The following PTP4A1 variants were observed in gnomAD, a reference collection of about 807,000 sequenced individuals.
PTP4A1 encodes protein tyrosine phosphatase 4A1, also known as protein tyrosine phosphatase type IVA 1.
In PTP4A1, 9 loss-of-function variants were observed where a neutral mutation model predicts 20.5. The observed-to-expected ratio is 0.44, with a 90% CI of 0.26 to 0.77. The LOEUF (loss-of-function observed/expected upper bound fraction) is 0.77, where lower values mean the gene tolerates loss of function less well. Ranked by LOEUF, PTP4A1 falls within the 30% of genes least tolerant of loss-of-function variation. PTP4A1 has a pLI of 0.19. For missense variants in PTP4A1, 137 were observed against 218.8 expected, an observed-to-expected ratio of 0.63 and a Z score of 2.36; for synonymous variants, 78 against 67.4, an observed-to-expected ratio of 1.16 and a Z score of -0.77.
upstream of PTP4A1, among the ~76,000 whole-genome samples, chr6:63,568,502 C>CA (rs775087306): frequency 1.1e-4 from 17 of 152,066 alleles, no homozygotes; most frequent in Non-Finnish European, 2.2e-4. Flanking sequence ...TCACTGTTCA[C>CA]AAATTGCCAT....
rs1777518923 is a variant in PTP4A1, at chr6:63,572,572, CCCG to C, written c.-584_-582del. On this transcript the variant is annotated 5_prime_UTR_variant, in exon 1 of 6. Transcript: ENST00000626021. ...TCACTGCATGGTAGAGTCTGGTGCC[CCCG>C]CCGCCGCCTGCATCGCCGCCACCGC... 1 of 413,522 alleles carries C rather than the reference CCCG, an allele frequency of 2.4e-6. No homozygotes were observed. Among genetic ancestry groups the C allele is most frequent in the Non-Finnish European group, 4.2e-6 (1 of 238,390 alleles). The allele number at this position is 413,522 out of a possible 1,614,324, so 25.6% of individuals were successfully genotyped here. A position where few individuals can be genotyped will look rare whatever the true frequency, so the allele number is the denominator to read the frequency against.
At chr6:63,552,037 T>C (rs1202311035) in intron 3 of PTP4A1, among the ~76,000 whole-genome samples, 1 of 152,226 alleles carries the variant, frequency 6.6e-6, no homozygotes, top group African/African-American at 2.4e-5. Flanking sequence ...GCATGATTTA[T>C]AATCCTTTGG....
chr6:63,549,046 C>T (rs1776322924), intron 2 of PTP4A1: 1 of 724,332 alleles, frequency 1.4e-6, no homozygotes, highest in South Asian at 1.4e-5. Context: ...GCAATCACCA[C>T]CGGCTGAGCT....
At chr6:63,561,850 T>C (rs1581937785) in intron 3 of PTP4A1, among the ~76,000 whole-genome samples, 1 of 152,326 alleles carries the variant, frequency 6.6e-6, no homozygotes, top group African/African-American at 2.4e-5. Context: ...AAAGTGATTA[T>C]AAAGTTTTTG....
upstream of PTP4A1, among the ~76,000 whole-genome samples, chr6:63,569,035 T>C (rs1186025400): frequency 1.3e-5 from 2 of 152,228 alleles, no homozygotes; most frequent in African/African-American, 4.8e-5. Context: ...ACTCTTGCTA[T>C]GTTAAATGTT....
intron 2 of PTP4A1, among the ~76,000 whole-genome samples, chr6:63,542,971 C>G (rs1422986676): frequency 1.3e-5 from 2 of 152,150 alleles, no homozygotes; most frequent in Non-Finnish European, 2.9e-5. Context: ...TTTTTATCTT[C>G]TTGAACTTGC....
At chr6:63,556,602 G>A (rs1776698092) in intron 3 of PTP4A1, among the ~76,000 whole-genome samples, 1 of 152,196 alleles carries the variant, frequency 6.6e-6, no homozygotes, top group African/African-American at 2.4e-5. Flanking sequence ...TACCACAGGG[G>A]AAGTTAAGTC....
upstream of PTP4A1, among the ~76,000 whole-genome samples, chr6:63,520,265 T>G (rs1312174752): frequency 6.6e-6 from 1 of 152,232 alleles, no homozygotes; most frequent in African/African-American, 2.4e-5. Context: ...TTGTGATATA[T>G]TGTCCTTGGC....
At chr6:63,538,741 G>C (rs1413484692) in intron 2 of PTP4A1, among the ~76,000 whole-genome samples, 3 of 152,310 alleles carry the variant, frequency 2.0e-5, no homozygotes, top group East Asian at 3.9e-4. Context: ...TGGAAGGCTT[G>C]TTAAAACACA....
At chr6:63,546,488 T>C (rs958303430) in intron 2 of PTP4A1, among the ~76,000 whole-genome samples, 1 of 152,170 alleles carries the variant, frequency 6.6e-6, no homozygotes, top group Non-Finnish European at 1.5e-5. Flanking sequence ...GGTGGATCAC[T>C]TGAGGCAAGG....
intron 1 of PTP4A1, 116 bp downstream of exon 1, chr6:63,572,835 T>G (rs1318592075): frequency 2.5e-6 from 1 of 394,506 alleles, no homozygotes; most frequent in South Asian, 1.3e-4. Flanking sequence ...CGGGTTGCGG[T>G]TCCGGTGGGT....
At chr6:63,525,145 A>G (rs1413429689) in intron 1 of PTP4A1, among the ~76,000 whole-genome samples, 1 of 152,202 alleles carries the variant, frequency 6.6e-6, no homozygotes, top group African/African-American at 2.4e-5. Flanking sequence ...GCCCCACTCT[A>G]CAACTACTGA....
At chr6:63,542,049 G>A (rs1171765225) in intron 2 of PTP4A1, among the ~76,000 whole-genome samples, 1 of 151,440 alleles carries the variant, frequency 6.6e-6, no homozygotes, top group Non-Finnish European at 1.5e-5. Context: ...GTGTGTGTGT[G>A]TGTGTGTGTG....
chr6:63,559,627 C>T (rs555971481), intron 3 of PTP4A1, among the ~76,000 whole-genome samples: 2 of 152,050 alleles, frequency 1.3e-5, no homozygotes, highest in East Asian at 3.9e-4. Context: ...TGCCTGTAAT[C>T]CCAGCTACTC....
At chr6:63,516,667 G>T in the PTP4A1 span, among the ~76,000 whole-genome samples, 1 of 152,178 alleles carries the variant, frequency 6.6e-6, no homozygotes, top group Non-Finnish European at 1.5e-5. Flanking sequence ...TTCTTAGCAG[G>T]ACACACAGGT....
chr6:63,523,180 T>C lies in PTP4A1; in HGVS notation c.-906+1354T>C, dbSNP rs539725835. 1.2e-3 allele frequency among the ~76,000 whole-genome samples: 176 copies of C among 149,898 alleles called. 1 individual carries two copies. Among genetic ancestry groups the C allele is most frequent in the African/African-American group, 4.0e-3 (160 of 39,804 alleles). On this transcript the variant is annotated intron_variant, in intron 1 of 3. Coordinates refer to the PTP4A1 transcript ENST00000639568. The stretch of plus-strand genomic sequence containing the variant: ...AGTACCCAGCCGAATCACTCTTTTA[T>C]TTTTTTTTACATCACTCTTACGAGT...
chr6:63,544,188 T>C (rs1029142945), intron 2 of PTP4A1, among the ~76,000 whole-genome samples: 6 of 152,146 alleles, frequency 3.9e-5, no homozygotes, highest in African/African-American at 9.7e-5. Flanking sequence ...TCATCTTAGT[T>C]TTCTAAACAT....
chr6:63,566,023 T>C (rs1463659720), intron 3 of PTP4A1, among the ~76,000 whole-genome samples: 1 of 152,220 alleles, frequency 6.6e-6, no homozygotes, highest in Non-Finnish European at 1.5e-5. Flanking sequence ...GCCACATGCA[T>C]TTTTTGGTTT....
At chr6:63,547,251 ATGATCT>A (rs1211078533) in intron 2 of PTP4A1, among the ~76,000 whole-genome samples, 4 of 140,196 alleles carry the variant, frequency 2.9e-5, no homozygotes, top group Non-Finnish European at 6.0e-5. Flanking sequence ...GTGCAATGGT[ATGATCT>A]CAGCACACTG....
Sources: gnomAD v4.1 joint callset for allele counts (sites outside exome capture counted in the v4.1 genomes callset) on GRCh38, gnomAD v4.1.1 for gene constraint, MANE v1.5 for transcripts, NCBI Gene and HGNC (gene_info 2026-07-23, HGNC 2026-07-21) for gene names.